GRID2: variants seen among roughly 807,000 people sequenced by gnomAD.
GRID2 encodes glutamate ionotropic receptor delta type subunit 2.
In GRID2, 33 loss-of-function variants were observed where a neutral mutation model predicts 114.8. The ratio of observed to expected loss-of-function variants is 0.29; its 90% confidence interval spans 0.22 to 0.38. The LOEUF (loss-of-function observed/expected upper bound fraction) is 0.38, where lower values mean the gene tolerates loss of function less well. Ranked by LOEUF, GRID2 falls within the 10% of genes least tolerant of loss-of-function variation. The pLI, the probability that GRID2 is intolerant of heterozygous loss-of-function variation, is 1.00. For missense variants in GRID2, 1,184 were observed against 1,257.7 expected (o/e 0.94, Z 0.89); for synonymous variants, 505 against 449.9 (o/e 1.12, Z -1.55).
intron 1 of GRID2, among the ~76,000 whole-genome samples, chr4:92,488,000 T>C (rs1323373405): frequency 2.6e-5 from 4 of 152,168 alleles, no homozygotes; most frequent in Non-Finnish European, 5.9e-5. Flanking sequence ...TCTGATTCAG[T>C]TTGTAGAACT....
chr4:93,468,467 TA>T (rs1724498571), intron 11 of GRID2, among the ~76,000 whole-genome samples: 1 of 152,182 alleles, frequency 6.6e-6, no homozygotes, highest in African/African-American at 2.4e-5. Context: ...ATGGAACTGT[TA>T]CAATTTTCAA....
At chr4:92,507,015 A>G (rs890698332) in intron 1 of GRID2, among the ~76,000 whole-genome samples, 1 of 151,774 alleles carries the variant, frequency 6.6e-6, no homozygotes, top group Non-Finnish European at 1.5e-5. Context: ...TGCTCAGGCT[A>G]TGTCACTTTC....
At chr4:93,004,443 T>G (rs1156449527) in intron 2 of GRID2, among the ~76,000 whole-genome samples, 1 of 152,032 alleles carries the variant, frequency 6.6e-6, no homozygotes, top group Non-Finnish European at 1.5e-5. Context: ...TGGCAAAGCC[T>G]AAACTATCTT....
At chr4:93,752,720 C>T (rs376307634) in intron 14 of GRID2, among the ~76,000 whole-genome samples, 1 of 152,266 alleles carries the variant, frequency 6.6e-6, no homozygotes, top group South Asian at 2.1e-4. Context: ...AATCTCAGTC[C>T]TTTAATTATT....
chr4:93,522,868 A>G lies in GRID2; in HGVS notation c.2193+7457A>G, dbSNP rs531016276. Among the ~76,000 whole-genome samples, 3 of 152,290 alleles carry G rather than the reference A, an allele frequency of 2.0e-5. No homozygotes were observed. In the East Asian group the frequency reaches 5.8e-4, roughly 30 times the overall value. ...GACAAAATCTTTGGAGAAGAGGAAG[A>G]CTTGAGACTGAAAAAGAAAGTACTG... On this transcript the variant is annotated intron_variant, in intron 13 of 15. Coordinates refer to ENST00000282020, the MANE Select transcript of GRID2 (RefSeq NM_001510.4).
intron 1 of GRID2, among the ~76,000 whole-genome samples, chr4:92,426,288 G>C (rs747227390): frequency 1.3e-5 from 2 of 152,040 alleles, no homozygotes; most frequent in African/African-American, 2.4e-5. Context: ...AGGACTTCTT[G>C]GTCCACGGAA....
intron 14 of GRID2, among the ~76,000 whole-genome samples, chr4:93,645,896 A>G (rs553769421): frequency 1.3e-5 from 2 of 152,184 alleles, no homozygotes; most frequent in African/African-American, 2.4e-5. Flanking sequence ...TTCATCTTCC[A>G]TAATAAAGTA....
intron 14 of GRID2, among the ~76,000 whole-genome samples, chr4:93,763,350 G>GT (rs1193319247): frequency 1.3e-5 from 2 of 152,110 alleles, no homozygotes; most frequent in Admixed American, 6.6e-5. Flanking sequence ...GCTAAATTTA[G>GT]TTTTTTCCCC....
At chr4:93,234,375 C>T (rs552136271) in intron 7 of GRID2, among the ~76,000 whole-genome samples, 4 of 152,044 alleles carry the variant, frequency 2.6e-5, no homozygotes, top group Non-Finnish European at 4.4e-5. Flanking sequence ...GGAAAAAATA[C>T]GAGACACAAG....
intron 8 of GRID2, among the ~76,000 whole-genome samples, chr4:93,363,514 T>C (rs1762065779): frequency 2.6e-5 from 4 of 152,218 alleles, no homozygotes; most frequent in Non-Finnish European, 2.9e-5. Context: ...AAACTACCTC[T>C]GTTAATGATA....
intron 10 of GRID2, among the ~76,000 whole-genome samples, chr4:93,439,385 T>C (rs1036578996): frequency 2.0e-5 from 3 of 151,740 alleles, no homozygotes; most frequent in Admixed American, 2.0e-4. Context: ...ACAACAAAAA[T>C]AGGGGATGCA....
intron 2 of GRID2, among the ~76,000 whole-genome samples, chr4:92,773,709 G>A (rs184662063): frequency 7.0e-4 from 107 of 151,868 alleles, no homozygotes; most frequent in Non-Finnish European, 1.1e-3. Flanking sequence ...TTTAATTTTT[G>A]TTTTATCTAT....
chr4:92,347,362 G>T (rs766209509), intron 1 of GRID2, among the ~76,000 whole-genome samples: 6 of 151,810 alleles, frequency 4.0e-5, no homozygotes, highest in Non-Finnish European at 8.8e-5. Flanking sequence ...TTGTGGTATG[G>T]CAGTGGTGGC....
chr4:93,029,575 A>G (rs1324042362), intron 2 of GRID2, among the ~76,000 whole-genome samples: 1 of 152,160 alleles, frequency 6.6e-6, no homozygotes, highest in Non-Finnish European at 1.5e-5. Context: ...AGTAAACCGG[A>G]GTATTTTTTC....
intron 8 of GRID2, among the ~76,000 whole-genome samples, chr4:93,299,006 T>C (rs1235891440): frequency 6.6e-6 from 1 of 152,198 alleles, no homozygotes; most frequent in Non-Finnish European, 1.5e-5. Context: ...AAATAAACTT[T>C]TGTCAAAGAG....
chr4:92,452,342 G>A (rs1314429278), intron 1 of GRID2, among the ~76,000 whole-genome samples: 3 of 147,982 alleles, frequency 2.0e-5, no homozygotes, highest in South Asian at 4.2e-4. Context: ...TTTTTAGACA[G>A]AGTCTCACTT....
intron 10 of GRID2, among the ~76,000 whole-genome samples, chr4:93,431,827 A>G (rs890689831): frequency 1.3e-5 from 2 of 152,202 alleles, no homozygotes; most frequent in Non-Finnish European, 2.9e-5. Flanking sequence ...AAGTCAGTTA[A>G]TATGTGAAGG....
intron 2 of GRID2, among the ~76,000 whole-genome samples, chr4:93,005,554 T>C (rs1388337143): frequency 6.6e-6 from 1 of 152,208 alleles, no homozygotes; most frequent in Non-Finnish European, 1.5e-5. Flanking sequence ...TAGAAACTTA[T>C]ACTCAAAATA....
chr4:93,435,245 C>T (rs1163244274), intron 10 of GRID2, among the ~76,000 whole-genome samples: 2 of 152,126 alleles, frequency 1.3e-5, no homozygotes, highest in East Asian at 1.9e-4. Flanking sequence ...GGCCACATGG[C>T]ATACATTAGG....
Sources: gnomAD v4.1 joint callset for allele counts (sites outside exome capture counted in the v4.1 genomes callset) on GRCh38, gnomAD v4.1.1 for gene constraint, MANE v1.5 for transcripts, NCBI Gene and HGNC (gene_info 2026-07-23, HGNC 2026-07-21) for gene names.